Variants in FBXL14 observed in about 807,000 individuals in gnomAD.
FBXL14 encodes F-box/LRR-repeat protein 14.
Under a neutral mutation model 24.5 loss-of-function variants are expected in FBXL14, and 11 were observed. The observed-to-expected ratio is 0.45, with a 90% CI of 0.28 to 0.74. The LOEUF is 0.74. Among genes scored for constraint, FBXL14 ranks in the 30% least tolerant of loss-of-function variants. The pLI is 0.12. For missense variants in FBXL14, 384 were observed against 545.6 expected, an observed-to-expected ratio of 0.70 and a Z score of 2.95; for synonymous variants, 294 against 240.4, an observed-to-expected ratio of 1.22 and a Z score of -2.06.
At chr12:1,580,046 C>T (rs2094463222) in intron 1 of FBXL14, among the ~76,000 whole-genome samples, 1 of 152,198 alleles carries the variant, frequency 6.6e-6, no homozygotes, top group Admixed American at 6.5e-5. Context: ...ACATAGTTAA[C>T]ATTTTGTATT....
chr12:1,593,187 C>A lies in FBXL14; in HGVS notation c.880G>T (p.Asp294Tyr). The A allele has an allele frequency of 1.2e-6, 2 of 1,613,454 alleles. No individual in the cohort carries two copies. Among genetic ancestry groups the A allele is most frequent in the Non-Finnish European group, 1.7e-6 (2 of 1,180,036 alleles). ...TGGGCTATGTAAGCCAGACTCTGGT[C>A]TCCCACCTTGTCACAGAACGAAACA... ...LDVSFCDKVG[D>Y]QSLAYIAQGL... Residue 294 changes from aspartate (D) to tyrosine (Y), a missense_variant, in exon 1 of 2, where the codon GAC becomes TAC. Asp to Tyr is a radical substitution (Grantham distance 160, BLOSUM62 -3). Coordinates refer to ENST00000339235, the MANE Select transcript of FBXL14 (RefSeq NM_152441.3). The surrounding 1 kb of genome is among the most constrained non-coding windows in gnomAD (Gnocchi z 7.4).
Position 1,566,566 on chromosome 12 carries a change from G to C in FBXL14, c.*182C>G. On this transcript the variant is annotated 3_prime_UTR_variant, in exon 2 of 2. Coordinates refer to ENST00000339235, the MANE Select transcript of FBXL14 (RefSeq NM_152441.3). ...GAGCAAACCACTGTCCCCAGAACTG[G>C]AGAAACCGGCAGGAGAATGCAGCTT... 1.7e-6 allele frequency: 1 copy of C among 573,668 alleles called. No homozygotes were observed. The allele number at this position is 573,668 out of a possible 1,614,324, so 35.5% of individuals were successfully genotyped here.
chr12:1,593,591 G>T lies in FBXL14; in HGVS notation c.476C>A (p.Thr159Asn). ...ACCCCAGGCGATGAGCAGAAGGCCA[G>T]TGTTGGTGATGTTGCTGCAACCTCC... is the stretch of plus-strand genomic sequence containing the variant. ...ELGGCSNITN[T>N]GLLLIAWGLQ... Residue 159 changes from threonine (T) to asparagine (N), a missense_variant, in exon 1 of 2, where the codon ACT (threonine) becomes AAT (asparagine). By Grantham distance (65) the Thr-to-Asn change is moderately conservative (BLOSUM62 0). Transcript: ENST00000339235. The surrounding 1 kb of genome is among the most constrained non-coding windows in gnomAD (Gnocchi z 7.4). The T allele has an allele frequency of 6.2e-7, 1 of 1,614,190 alleles. No homozygotes were observed. Among genetic ancestry groups the T allele is most frequent in the Non-Finnish European group, 8.5e-7 (1 of 1,180,038 alleles).
intron 1 of FBXL14, among the ~76,000 whole-genome samples, chr12:1,575,182 C>T (rs191743548): frequency 6.6e-6 from 1 of 152,260 alleles, no homozygotes; most frequent in East Asian, 1.9e-4. Flanking sequence ...GAAAAAACTT[C>T]TATTTAAATA....
Position 1,579,429 on chromosome 12 carries a change from C to G in FBXL14, c.1195-12619G>C, listed in dbSNP as rs2094462018. Among the ~76,000 whole-genome samples, 1 of 151,826 alleles carries G rather than the reference C, an allele frequency of 6.6e-6. No homozygotes were observed. Among genetic ancestry groups the G allele is most frequent in the Admixed American group, 6.6e-5 (1 of 15,256 alleles). On this transcript the variant is annotated intron_variant, in intron 1 of 1. Transcript: ENST00000339235. This position sits in a 1 kb window ranked among gnomAD's most constrained non-coding sequence, Gnocchi z 4.3. The stretch of plus-strand genomic sequence containing the variant: ...TCAGGAGTTCAAGACCAGCTATGGT[C>G]AACATGGTGAAACCCCGTCTCTACT...
chr12:1,572,116 A>T (rs1354586775), intron 1 of FBXL14, among the ~76,000 whole-genome samples: 1 of 152,270 alleles, frequency 6.6e-6, no homozygotes, highest in Non-Finnish European at 1.5e-5. Flanking sequence ...GAGTCAGGAA[A>T]GGCTTTGGGG....
Position 1,566,738 on chromosome 12 carries a change from C to A in FBXL14, c.*10G>T, listed in dbSNP as rs1215971491. ...AGATCCACGGGAACCATGTCGTTGT[C>A]CCCTCTCCCTCACCTTCTGGAGCTT... On this transcript the variant is annotated 3_prime_UTR_variant, in exon 2 of 2. Coordinates refer to ENST00000339235, the MANE Select transcript of FBXL14 (RefSeq NM_152441.3). 1 of 780,788 alleles carries A rather than the reference C, an allele frequency of 1.3e-6. No individual in the cohort carries two copies. Among genetic ancestry groups the A allele is most frequent in the African/African-American group, 1.7e-5 (1 of 59,126 alleles). 48.4% of individuals were successfully genotyped at this position (780,788 alleles called of 1,614,324 possible).
rs139828601 is a variant in FBXL14 at position 1,581,591 on chromosome 12, C to T, written c.1194+11282G>A. On this transcript the variant is annotated intron_variant, in intron 1 of 1. Transcript: ENST00000339235. ...TCTGTACACTGTTGCTCTAGCTTCC[C>T]GGCAGAAATGGGGTGTGGATGAAAA... Among the ~76,000 whole-genome samples, 874 of 152,246 alleles carry T rather than the reference C, an allele frequency of 5.7e-3. 3 individuals carry two copies. The highest frequency in any genetic ancestry group is 8.9e-3 in the Admixed American group (136 of 15,286).
rs919625378 is a variant in FBXL14, at chr12:1,567,176, A to G, written c.1195-366T>C. 6.6e-6 allele frequency among the ~76,000 whole-genome samples: 1 copy of G among 152,166 alleles called. No individual in the cohort carries two copies. The highest frequency in any genetic ancestry group is 1.5e-5 in the Non-Finnish European group (1 of 68,016). On this transcript the variant is annotated intron_variant, in intron 1 of 1. Coordinates refer to ENST00000339235, the MANE Select transcript of FBXL14 (RefSeq NM_152441.3). The surrounding 1 kb of genome is among the most constrained non-coding windows in gnomAD (Gnocchi z 4.8). ...AAGATATAAGACATACTAAAGGGCA[A>G]ATAGGGCCTGGCACGGTGGCTGACG...
rs773687315 is a variant in FBXL14, at chr12:1,593,494, G to T, written c.573C>A (p.Ala191=). The T allele has an allele frequency of 4.3e-6, 7 of 1,613,716 alleles. No homozygotes were observed. Among genetic ancestry groups the T allele is most frequent in the Non-Finnish European group, 5.9e-6 (7 of 1,179,950 alleles). ...HLSDVGIGHL[A]GMTRSAAEGC... ...CCTCCGCCGCGCTGCGCGTCATGCCGGCCAGGTGCCCGATGCCCACATCCG... is the reference window on the plus strand; with the variant it reads ...CCTCCGCCGCGCTGCGCGTCATGCCTGCCAGGTGCCCGATGCCCACATCCG... Residue 191 remains alanine, a synonymous_variant, in exon 1 of 2, where the codon GCC becomes GCA. Coordinates refer to ENST00000339235, the MANE Select transcript of FBXL14 (RefSeq NM_152441.3). This position sits in a 1 kb window ranked among gnomAD's most constrained non-coding sequence, Gnocchi z 7.4.
At chr12:1,591,657 C>A (rs1168025772) in intron 1 of FBXL14, among the ~76,000 whole-genome samples, 27 of 152,170 alleles carry the variant, frequency 1.8e-4, no homozygotes, top group Admixed American at 1.8e-3. Context: ...GTCATCTATT[C>A]CTCCATTTAG....
chr12:1,569,383 G>T lies in FBXL14; in HGVS notation c.1195-2573C>A, dbSNP rs868644987. On this transcript the variant is annotated intron_variant, in intron 1 of 1. Coordinates refer to ENST00000339235, the MANE Select transcript of FBXL14 (RefSeq NM_152441.3). This position sits in a 1 kb window ranked among gnomAD's most constrained non-coding sequence, Gnocchi z 4.2. ...CCCCACGCTCTCATATGCTAAATAA[G>T]AAACCACTTCGTTCTTTTTTTTTTT... Among the ~76,000 whole-genome samples, 1 of 148,238 alleles carries T rather than the reference G, an allele frequency of 6.7e-6. No individual in the cohort carries two copies. The highest frequency in any genetic ancestry group is 1.5e-5 in the Non-Finnish European group (1 of 67,394).
rs139247471 is a variant in FBXL14, at chr12:1,593,308, G to A, written c.759C>T (p.Gly253=). ...AGCGCAGGTTGAGGCTGCGCAGGCT[G>A]CCCATGTGCGACAGGTGCAGGAGGC... ...DAGLLHLSHM[G]SLRSLNLRSC... Residue 253 remains glycine (G), a synonymous_variant, in exon 1 of 2, where the codon GGC becomes GGT. Transcript: ENST00000339235. The surrounding 1 kb of genome is among the most constrained non-coding windows in gnomAD (Gnocchi z 7.4). The A allele has an allele frequency of 1.2e-5, 19 of 1,613,158 alleles. No individual in the cohort carries two copies. The highest frequency in any genetic ancestry group is 4.0e-5 in the African/African-American group (3 of 74,936).
chr12:1,577,999 G>C (rs536263253), intron 1 of FBXL14, among the ~76,000 whole-genome samples: 2 of 152,162 alleles, frequency 1.3e-5, no homozygotes, highest in African/African-American at 2.4e-5. Context: ...TCTTTTCTCC[G>C]TGGATTCAGG....
intron 1 of FBXL14, among the ~76,000 whole-genome samples, chr12:1,590,100 C>A (rs1050019886): frequency 3.9e-5 from 6 of 152,068 alleles, no homozygotes; most frequent in African/African-American, 1.4e-4. Context: ...GATTAGAAAG[C>A]TGACCCTAAT....
At chr12:1,576,317 A>C (rs1281532663) in intron 1 of FBXL14, among the ~76,000 whole-genome samples, 3 of 152,110 alleles carry the variant, frequency 2.0e-5, no homozygotes, top group African/African-American at 7.2e-5. Flanking sequence ...CGGCAGTGTC[A>C]GTCACTGAGT....
chr12:1,580,861 C>T (rs974031900), intron 1 of FBXL14, among the ~76,000 whole-genome samples: 1 of 152,174 alleles, frequency 6.6e-6, no homozygotes, highest in Non-Finnish European at 1.5e-5. Context: ...GCCACTTGCA[C>T]ACAAGTTCCT....
chr12:1,574,982 A>C (rs2094453155), intron 1 of FBXL14: 1 of 152,182 alleles, frequency 6.6e-6, no homozygotes. Flanking sequence ...ATGAATGAAC[A>C]AATTGCTCCT....
Position 1,566,007 on chromosome 12 carries a change from G to T in FBXL14, c.*741C>A, listed in dbSNP as rs2094435692. On this transcript the variant is annotated 3_prime_UTR_variant, in exon 2 of 2. Transcript: ENST00000339235. ...AAAAACCCAAATGGAATCTATAAAG[G>T]GAAGACAGATATATTCTACATTGTT... 6.6e-6 allele frequency: 1 copy of T among 152,538 alleles called. No homozygotes were observed. Among genetic ancestry groups the T allele is most frequent in the Non-Finnish European group, 1.5e-5 (1 of 68,036 alleles). 9.4% of individuals were successfully genotyped at this position (152,538 alleles called of 1,614,324 possible). A position where few individuals can be genotyped will look rare whatever the true frequency, so the allele number is the denominator to read the frequency against.
Sources: allele counts gnomAD v4.1 joint callset (sites outside exome capture counted in the v4.1 genomes callset), GRCh38; gene constraint gnomAD v4.1.1; non-coding constraint Gnocchi (gnomAD v3.1); transcripts MANE v1.5; gene names NCBI Gene and HGNC (gene_info 2026-07-23, HGNC 2026-07-21).